The following CYP20A1 variants were observed in gnomAD, a reference collection of about 807,000 sequenced individuals.
CYP20A1 encodes cytochrome P450 20A1.
In CYP20A1, 61 loss-of-function variants were observed where a neutral mutation model predicts 61.4. The observed-to-expected ratio is 0.99, with a 90% CI of 0.81 to 1.23. The LOEUF (loss-of-function observed/expected upper bound fraction) is 1.23. CYP20A1 is among the 50% of genes most tolerant of loss of function. The pLI, the probability that CYP20A1 is intolerant of heterozygous loss-of-function variation, is 0.00. For missense variants in CYP20A1, 530 were observed against 542.4 expected (o/e 0.98, Z 0.23); for synonymous variants, 193 against 188.2 (o/e 1.03, Z -0.21).
rs1431179685 is a variant in CYP20A1, at chr2:203,289,783, T to C, written c.990T>C (p.Leu330=). 1 of 1,573,148 alleles carries C rather than the reference T, an allele frequency of 6.4e-7. No individual in the cohort carries two copies. Among genetic ancestry groups the C allele is most frequent in the Admixed American group, 1.8e-5 (1 of 54,842 alleles). The change falls in exon 10 of 13, where the codon CTT becomes CTC. Residue 330 remains leucine, a synonymous_variant. Coordinates refer to ENST00000356079, the MANE Select transcript of CYP20A1 (RefSeq NM_177538.3). The part of the protein sequence containing the change: ...IEQLRYCQHV[L]CETVRTAKLT... ...AAAACAGATATTGTCAGCATGTGCT[T>C]TGTGAAACTGTTCGAACTGCCAAAC... is the stretch of plus-strand genomic sequence containing the variant.
rs367840433 is a variant in CYP20A1 at position 203,290,722 on chromosome 2, A to C, written c.1083+846A>C. On this transcript the variant is annotated intron_variant, in intron 10 of 12. Coordinates refer to ENST00000356079, the MANE Select transcript of CYP20A1 (RefSeq NM_177538.3). ...CAGTTGTGCAATCTTGGCTCACTGCAACCTCCGCCTCCCGAGTTCAAGTGA... is the reference window on the plus strand; with the variant it reads ...CAGTTGTGCAATCTTGGCTCACTGCCACCTCCGCCTCCCGAGTTCAAGTGA... Among the ~76,000 whole-genome samples, 4 of 152,058 alleles carry C rather than the reference A, an allele frequency of 2.6e-5. No individual in the cohort carries two copies. The East Asian group carries it at 7.7e-4, about 29-fold the overall frequency.
chr2:203,263,208 C>G (rs1281085462), intron 4 of CYP20A1, among the ~76,000 whole-genome samples: 1 of 151,218 alleles, frequency 6.6e-6, no homozygotes, highest in Non-Finnish European at 1.5e-5. Context: ...AGGCTGGTCT[C>G]GAACTCCTGA....
chr2:203,265,986 G>A (rs140404325), intron 4 of CYP20A1, among the ~76,000 whole-genome samples: 4 of 152,128 alleles, frequency 2.6e-5, no homozygotes, highest in Non-Finnish European at 4.4e-5. Flanking sequence ...CACCGTGCCC[G>A]GCCTAAAGCT....
intron 5 of CYP20A1, among the ~76,000 whole-genome samples, chr2:203,272,026 C>T (rs1316408944): frequency 6.6e-6 from 1 of 152,146 alleles, no homozygotes; most frequent in Non-Finnish European, 1.5e-5. Flanking sequence ...GACTCTGTCT[C>T]GGCGTGGGGG....
intron 6 of CYP20A1, among the ~76,000 whole-genome samples, chr2:203,277,389 G>A (rs939942191): frequency 6.6e-6 from 1 of 151,252 alleles, no homozygotes; most frequent in African/African-American, 2.4e-5. Flanking sequence ...TGGAGAATAC[G>A]TTATCAACAT....
At chr2:203,252,610 G>A (rs1400093010) in intron 4 of CYP20A1, among the ~76,000 whole-genome samples, 1 of 152,016 alleles carries the variant, frequency 6.6e-6, no homozygotes, top group Non-Finnish European at 1.5e-5. Flanking sequence ...GGCCAGGCTG[G>A]TCTCAAACTC....
rs1016009839 is a variant in CYP20A1 at position 203,296,794 on chromosome 2, A to G, written c.1275A>G (p.Val425=). ...AYMVTTVLLS[V]LVKRLHLLSV... ...TGGTGACCACAGTACTTCTTAGTGT[A>G]TTGGTGAAGAGACTGCACCTACTTT... The change falls in exon 13 of 13, where the codon GTA becomes GTG. Residue 425 remains valine, a synonymous_variant. Transcript: ENST00000356079. 4 of 1,605,540 alleles carry G rather than the reference A, an allele frequency of 2.5e-6. No individual in the cohort carries two copies. The South Asian group carries it at 4.5e-5, about 18-fold the overall frequency.
chr2:203,268,808 T>A (rs974971267), intron 5 of CYP20A1, among the ~76,000 whole-genome samples: 2 of 152,118 alleles, frequency 1.3e-5, no homozygotes, highest in Non-Finnish European at 2.9e-5. Flanking sequence ...CTTACCCTCC[T>A]GCCCACCCCT....
chr2:203,294,689 C>T (rs1030049530), intron 11 of CYP20A1, among the ~76,000 whole-genome samples: 3 of 151,654 alleles, frequency 2.0e-5, no homozygotes, highest in African/African-American at 7.3e-5. Flanking sequence ...GGCTGGAGTG[C>T]AGTGGTGCAA....
rs367937395 is a variant in CYP20A1, at chr2:203,239,107, G to A, written c.45G>A (p.Leu15=). Residue 15 remains leucine, a synonymous_variant, in exon 1 of 13, where the codon TTG becomes TTA. Coordinates refer to ENST00000356079, the MANE Select transcript of CYP20A1 (RefSeq NM_177538.3). Reference sequence around the variant, plus strand: ...TCGCCGTTACCTTCTTGCTGGCGTTGGTGGGAGCCGTGCTCTACCTCTATC... The same window carrying A: ...TCGCCGTTACCTTCTTGCTGGCGTTAGTGGGAGCCGTGCTCTACCTCTATC... ...AIFAVTFLLA[L]VGAVLYLYPA... is the part of the protein sequence containing the mutation. 3 of 1,613,508 alleles carry A rather than the reference G, an allele frequency of 1.9e-6. No individual in the cohort carries two copies. In the African/African-American group the frequency reaches 4.0e-5, roughly 22 times the overall value.
chr2:203,284,318 A>C (rs1379984398), intron 8 of CYP20A1, among the ~76,000 whole-genome samples: 3 of 152,220 alleles, frequency 2.0e-5, no homozygotes, highest in Non-Finnish European at 4.4e-5. Flanking sequence ...GGAACAATAG[A>C]GCTACAGATG....
chr2:203,252,141 T>C, intron 4 of CYP20A1, 32 bp downstream of exon 4: 2 of 1,540,202 alleles, frequency 1.3e-6, no homozygotes. Context: ...TCTAGTGTTC[T>C]ACAACATAAA....
chr2:203,251,796 TATATATATATATATATATATAA>T (rs2066685552), intron 3 of CYP20A1, among the ~76,000 whole-genome samples, 149 bp from the exon 4 acceptor site: 1 of 75,300 alleles, frequency 1.3e-5, no homozygotes, highest in African/African-American at 7.9e-5. Context: ...TATATGTGTA[TATATATATATATATATATATAA>T]AAAATAAAAA....
In CYP20A1 at chr2:203,277,731, G is replaced by T. The variant is rs1449236628; in HGVS notation, c.680-842G>T. ...GGGTTTTGCCATCTTGGCCAGGGTG[G>T]TCTTGAACTCCTGACCTCGTGATTC... On this transcript the variant is annotated intron_variant, in intron 6 of 12. Transcript: ENST00000356079. Among the ~76,000 whole-genome samples, 3 of 152,008 alleles carry T rather than the reference G, an allele frequency of 2.0e-5. No homozygotes were observed. In the East Asian group the frequency reaches 5.9e-4, roughly 30 times the overall value.
chr2:203,286,431 C>CAGTATTATTCA lies in CYP20A1; in HGVS notation c.971+700_971+701insGTATTATTCAA, dbSNP rs2068274241. On this transcript the variant is annotated intron_variant, in intron 9 of 12. Coordinates refer to ENST00000356079, the MANE Select transcript of CYP20A1 (RefSeq NM_177538.3). ...AAGTCCTGTTTGCATATATTCATAG[C>CAGTATTATTCA]AAATTGGAAGTAGTTCAAATGTTCA... 3.2e-3 allele frequency among the ~76,000 whole-genome samples: 12 copies of CAGTATTATTCA among 3,790 alleles called. No homozygotes were observed. In the South Asian group the frequency reaches 0.11, roughly 34 times the overall value. The allele number at this position is 3,790 out of a possible 152,430, so 2.5% of individuals were successfully genotyped here.
At position 203,299,984 on chromosome 2, in the gene CYP20A1, C is replaced by T. The variant is rs912057401; in HGVS notation, c.*3076C>T. Among the ~76,000 whole-genome samples the T allele has an allele frequency of 6.6e-6, 1 of 152,132 alleles. No homozygotes were observed. The highest frequency in any genetic ancestry group is 2.1e-4 in the South Asian group (1 of 4,828). ...ATCTTCCTTTGTTACCCAAGTACCTCGAATGGGTTGGAAACTGGCGGTAGA... is the reference window on the plus strand; with the variant it reads ...ATCTTCCTTTGTTACCCAAGTACCTTGAATGGGTTGGAAACTGGCGGTAGA... On this transcript the variant is annotated 3_prime_UTR_variant, in exon 13 of 13. Transcript: ENST00000356079.
At chr2:203,271,256 T>C (rs2067587242) in intron 5 of CYP20A1, among the ~76,000 whole-genome samples, 1 of 149,898 alleles carries the variant, frequency 6.7e-6, no homozygotes, top group African/African-American at 2.4e-5. Flanking sequence ...CCCGGCTAAT[T>C]TTTTTGTATT....
chr2:203,263,955 T>C, intron 4 of CYP20A1, among the ~76,000 whole-genome samples: 1 of 152,116 alleles, frequency 6.6e-6, no homozygotes, highest in Non-Finnish European at 1.5e-5. Context: ...GTGTATTTTT[T>C]ATTTTAGCTC....
chr2:203,271,054 G>GTATA lies in CYP20A1; in HGVS notation c.601-1590_601-1587dup, dbSNP rs869253470. On this transcript the variant is annotated intron_variant, in intron 5 of 12. Coordinates refer to ENST00000356079, the MANE Select transcript of CYP20A1 (RefSeq NM_177538.3). ...TGTATATATATATATATGTATATGT[G>GTATA]TATATATATATATATATATATATAT... is the stretch of plus-strand genomic sequence containing the variant. Among the ~76,000 whole-genome samples the GTATA allele has an allele frequency of 2.2e-4, 9 of 40,298 alleles. No individual in the cohort carries two copies. In the East Asian group the frequency reaches 3.8e-3, roughly 17 times the overall value. 26.4% of individuals were successfully genotyped at this position (40,298 alleles called of 152,430 possible).
Sources: allele counts gnomAD v4.1 joint callset (sites outside exome capture counted in the v4.1 genomes callset), GRCh38; gene constraint gnomAD v4.1.1; transcripts MANE v1.5; gene names NCBI Gene and HGNC (gene_info 2026-07-23, HGNC 2026-07-21).